NKAIN3: variants seen among roughly 807,000 people sequenced by gnomAD.
NKAIN3 encodes the protein sodium/potassium-transporting ATPase subunit beta-1-interacting protein 3.
NKAIN3 carries 25 observed loss-of-function variants against 30.2 expected under a neutral mutation model. That is an observed-to-expected ratio of 0.83 (90% confidence interval 0.60 to 1.16). The LOEUF (loss-of-function observed/expected upper bound fraction) is 1.16, where lower values mean the gene tolerates loss of function less well. Among genes scored for constraint, NKAIN3 ranks in the 50% most tolerant of loss-of-function variants. NKAIN3 has a pLI of 0.00. For synonymous variants in NKAIN3, 91 were observed against 89.6 expected (o/e 1.02, Z -0.09); for missense variants, 225 against 254.1 (o/e 0.89, Z 0.78).
At chr8:62,803,746 G>T (rs555847774) in intron 4 of NKAIN3, among the ~76,000 whole-genome samples, 4 of 152,002 alleles carry the variant, frequency 2.6e-5, no homozygotes, top group Admixed American at 2.0e-4. Flanking sequence ...CTAGCAGAAG[G>T]CAAGAAATAA....
intron 1 of NKAIN3, among the ~76,000 whole-genome samples, chr8:62,385,847 G>A (rs901967627): frequency 1.3e-5 from 2 of 152,120 alleles, no homozygotes. Context: ...AGATTCATAG[G>A]TTACTGTGTG....
chr8:62,790,624 A>G (rs1404846400), intron 4 of NKAIN3, among the ~76,000 whole-genome samples: 1 of 151,774 alleles, frequency 6.6e-6, no homozygotes, highest in East Asian at 1.9e-4. Flanking sequence ...TACAGCAGAA[A>G]TTCTAAAAGG....
At chr8:62,851,370 G>T (rs1247986019) in intron 4 of NKAIN3, among the ~76,000 whole-genome samples, 3 of 152,138 alleles carry the variant, frequency 2.0e-5, no homozygotes, top group Admixed American at 6.5e-5. Context: ...AGGCGATGGG[G>T]TTTTCTAGAT....
intron 1 of NKAIN3, among the ~76,000 whole-genome samples, chr8:62,263,286 G>C (rs1356047592): frequency 6.6e-6 from 1 of 152,048 alleles, no homozygotes; most frequent in African/African-American, 2.4e-5. Context: ...GAGAATGGTA[G>C]TCAAAGGTCT....
chr8:62,592,458 G>A (rs1314883444), intron 3 of NKAIN3, among the ~76,000 whole-genome samples: 4 of 151,964 alleles, frequency 2.6e-5, no homozygotes, highest in Non-Finnish European at 5.9e-5. Flanking sequence ...AGGACAAAAA[G>A]CTTGAGAACC....
chr8:62,371,394 C>T (rs1816904092), intron 1 of NKAIN3, among the ~76,000 whole-genome samples: 1 of 151,760 alleles, frequency 6.6e-6, no homozygotes, highest in African/African-American at 2.4e-5. Flanking sequence ...AGACTTAGTT[C>T]CATTTTAAAA....
intron 3 of NKAIN3, among the ~76,000 whole-genome samples, chr8:62,724,213 A>C (rs1815186666): frequency 6.6e-6 from 1 of 152,000 alleles, no homozygotes; most frequent in Admixed American, 6.6e-5. Flanking sequence ...TATCCTCCCT[A>C]TACTTATTTA....
At chr8:62,940,471 A>C (rs1324694989) in intron 5 of NKAIN3, among the ~76,000 whole-genome samples, 1 of 152,144 alleles carries the variant, frequency 6.6e-6, no homozygotes, top group African/African-American at 2.4e-5. Flanking sequence ...TAGACATTCT[A>C]TTCATAAGCA....
At chr8:62,265,708 T>C (rs943866607) in intron 1 of NKAIN3, among the ~76,000 whole-genome samples, 4 of 152,218 alleles carry the variant, frequency 2.6e-5, no homozygotes, top group African/African-American at 9.6e-5. Flanking sequence ...GAAAACTTTT[T>C]GGCTGTATTT....
chr8:62,515,165 A>G (rs1342418787), intron 1 of NKAIN3, among the ~76,000 whole-genome samples: 1 of 152,194 alleles, frequency 6.6e-6, no homozygotes, highest in Non-Finnish European at 1.5e-5. Flanking sequence ...CTACATTTTA[A>G]GAAAAGAAAA....
chr8:62,633,713 C>T (rs1355291755), intron 3 of NKAIN3, among the ~76,000 whole-genome samples: 2 of 152,144 alleles, frequency 1.3e-5, no homozygotes, highest in South Asian at 2.1e-4. Context: ...GTCATGGACC[C>T]CTCCAACTTC....
intron 1 of NKAIN3, among the ~76,000 whole-genome samples, chr8:62,395,191 G>T (rs926961559): frequency 1.4e-4 from 21 of 150,014 alleles, no homozygotes; most frequent in African/African-American, 5.1e-4. Context: ...TGCAGCGGAC[G>T]GGCAGCAGCG....
At chr8:62,439,446 G>C (rs34547290) in intron 1 of NKAIN3, among the ~76,000 whole-genome samples, 3,638 of 152,294 alleles carry the variant, frequency 0.024, 76 homozygotes, top group Middle Eastern at 0.058. Context: ...AGGTGTTTGA[G>C]CCTGGAAGCA....
chr8:62,952,639 C>A (rs1263419439), intron 5 of NKAIN3, among the ~76,000 whole-genome samples: 3 of 152,048 alleles, frequency 2.0e-5, no homozygotes, highest in African/African-American at 4.8e-5. Flanking sequence ...GCGTTACATT[C>A]AAGATCAATT....
At chr8:62,435,313 C>G (rs1805133872) in intron 1 of NKAIN3, among the ~76,000 whole-genome samples, 1 of 152,098 alleles carries the variant, frequency 6.6e-6, no homozygotes, top group Admixed American at 6.6e-5. Flanking sequence ...GCATCAGATT[C>G]TGACACCTGA....
chr8:62,896,035 A>G (rs890610364), intron 4 of NKAIN3, among the ~76,000 whole-genome samples: 8 of 151,694 alleles, frequency 5.3e-5, no homozygotes, highest in Non-Finnish European at 1.0e-4. Flanking sequence ...TTGATGTCTC[A>G]GTCAATTTGA....
intron 5 of NKAIN3, among the ~76,000 whole-genome samples, chr8:62,928,331 T>C (rs7839851): frequency 0.24 from 36,089 of 152,138 alleles, 4,681 homozygotes; most frequent in African/African-American, 0.34. Context: ...TTTCTCTCTC[T>C]CTCCCTCTCT....
intron 4 of NKAIN3, chr8:62,864,279 T>C: frequency 1.7e-6 from 2 of 1,196,248 alleles, no homozygotes; most frequent in East Asian, 2.3e-5. Context: ...AGGACAATGC[T>C]GAAGCTGAGG....
chr8:62,847,904 C>A (rs1365263257), intron 4 of NKAIN3, among the ~76,000 whole-genome samples: 3 of 152,132 alleles, frequency 2.0e-5, no homozygotes, highest in Non-Finnish European at 4.4e-5. Flanking sequence ...TATGGCTAAC[C>A]AGTTCTCCCA....
Sources: allele counts gnomAD v4.1 joint callset (sites outside exome capture counted in the v4.1 genomes callset), GRCh38; gene constraint gnomAD v4.1.1; transcripts MANE v1.5; gene names NCBI Gene and HGNC (gene_info 2026-07-23, HGNC 2026-07-21).